Variants in ARHGAP15 observed in about 807,000 individuals in gnomAD.
The protein encoded by ARHGAP15 is rho GTPase-activating protein 15.
A neutral mutation model predicts 63.7 loss-of-function variants in ARHGAP15; 51 were observed. That is an observed-to-expected ratio of 0.80 (90% confidence interval 0.64 to 1.01). The LOEUF (loss-of-function observed/expected upper bound fraction) is 1.01. Among genes scored for constraint, ARHGAP15 ranks in the 50% least tolerant of loss-of-function variants. ARHGAP15 has a pLI of 0.00. For missense variants in ARHGAP15, 560 were observed against 564.6 expected, an observed-to-expected ratio of 0.99 and a Z score of 0.08; for synonymous variants, 191 against 193.8, an observed-to-expected ratio of 0.99 and a Z score of 0.12.
intron 6 of ARHGAP15, among the ~76,000 whole-genome samples, chr2:143,418,768 G>T (rs1279231572): frequency 1.3e-5 from 2 of 151,842 alleles, no homozygotes; most frequent in Non-Finnish European, 2.9e-5. Flanking sequence ...TATGAGAGGG[G>T]TTTTTTTCCC....
intron 6 of ARHGAP15, among the ~76,000 whole-genome samples, chr2:143,329,488 C>CTT (rs1684408736): frequency 6.7e-6 from 1 of 148,950 alleles, no homozygotes. Context: ...AGCATATGAG[C>CTT]TTGAAAGAGG....
chr2:143,138,373 T>C (rs1421438580), intron 1 of ARHGAP15, among the ~76,000 whole-genome samples: 1 of 152,104 alleles, frequency 6.6e-6, no homozygotes, highest in Non-Finnish European at 1.5e-5. Context: ...TTATTTTCAG[T>C]ATGCCATGCG....
intron 6 of ARHGAP15, among the ~76,000 whole-genome samples, chr2:143,316,554 T>TTA (rs1238275372): frequency 6.8e-5 from 10 of 146,736 alleles, no homozygotes; most frequent in South Asian, 2.1e-4. Flanking sequence ...AAAATATATG[T>TTA]TATATATTTT....
chr2:143,175,181 G>T (rs535268679), intron 2 of ARHGAP15, among the ~76,000 whole-genome samples: 1 of 152,182 alleles, frequency 6.6e-6, no homozygotes, highest in Admixed American at 6.6e-5. Flanking sequence ...GCACCTCAAG[G>T]GCTCCTAAAC....
chr2:143,237,307 A>C (rs989827766), intron 5 of ARHGAP15: 1 of 152,208 alleles, frequency 6.6e-6, no homozygotes, highest in African/African-American at 2.4e-5. Flanking sequence ...CTGAGCTCTT[A>C]CGACAGAGAA....
intron 5 of ARHGAP15, among the ~76,000 whole-genome samples, chr2:143,240,087 G>A (rs1407738644): frequency 1.3e-5 from 2 of 149,954 alleles, no homozygotes; most frequent in Non-Finnish European, 3.0e-5. Context: ...GAAGCAGGAG[G>A]ATCACTTGAA....
intron 2 of ARHGAP15, among the ~76,000 whole-genome samples, chr2:143,164,918 T>C (rs1690438766): frequency 6.6e-6 from 1 of 152,012 alleles, no homozygotes; most frequent in Non-Finnish European, 1.5e-5. Flanking sequence ...ATATCACTAT[T>C]TTAGTGAAAT....
At chr2:143,330,988 T>C (rs1329357392) in intron 6 of ARHGAP15, among the ~76,000 whole-genome samples, 1 of 152,196 alleles carries the variant, frequency 6.6e-6, no homozygotes, top group African/African-American at 2.4e-5. Flanking sequence ...ATGGTCCTCG[T>C]TGGGCCCTTC....
At chr2:143,340,845 T>A (rs1226729595) in intron 6 of ARHGAP15, among the ~76,000 whole-genome samples, 5 of 152,128 alleles carry the variant, frequency 3.3e-5, no homozygotes, top group Non-Finnish European at 7.4e-5. Context: ...ATTTTTCTTT[T>A]TCTGTTTTTC....
At chr2:143,690,811 CT>C (rs35416401) in intron 12 of ARHGAP15, among the ~76,000 whole-genome samples, 1 of 151,640 alleles carries the variant, frequency 6.6e-6, no homozygotes, top group African/African-American at 2.4e-5. Flanking sequence ...TCAAGTCAGC[CT>C]TTTTTTTGGC....
intron 13 of ARHGAP15, among the ~76,000 whole-genome samples, chr2:143,724,649 G>A (rs1685203072): frequency 6.6e-6 from 1 of 152,142 alleles, no homozygotes; most frequent in Admixed American, 6.6e-5. Flanking sequence ...AGGAGGAAAT[G>A]TAGGTTTGGG....
intron 12 of ARHGAP15, chr2:143,641,053 G>A (rs1680573912): frequency 6.6e-6 from 1 of 152,144 alleles, no homozygotes; most frequent in South Asian, 2.1e-4. Flanking sequence ...ATGTCTTGCA[G>A]TGGAACAACT....
intron 10 of ARHGAP15, among the ~76,000 whole-genome samples, chr2:143,542,218 C>T (rs527874272): frequency 1.3e-5 from 2 of 152,302 alleles, no homozygotes; most frequent in East Asian, 3.9e-4. Flanking sequence ...TTGTTAAGCC[C>T]ATTGGAAGAG....
chr2:143,232,117 A>G (rs530600248), intron 5 of ARHGAP15, among the ~76,000 whole-genome samples: 3 of 152,314 alleles, frequency 2.0e-5, no homozygotes, highest in African/African-American at 4.8e-5. Context: ...TTATTTTCAT[A>G]GAGATTCATA....
chr2:143,220,588 A>AGTAT (rs1200099841), intron 4 of ARHGAP15, among the ~76,000 whole-genome samples: 2 of 152,322 alleles, frequency 1.3e-5, no homozygotes, highest in East Asian at 3.9e-4. Context: ...AATGAATCTT[A>AGTAT]GTATGCACTG....
intron 12 of ARHGAP15, among the ~76,000 whole-genome samples, chr2:143,649,833 A>G (rs1478436006): frequency 1.1e-5 from 1 of 87,498 alleles, no homozygotes; most frequent in African/African-American, 2.7e-5. Context: ...ACTAGAACTC[A>G]GAGCTCCACC....
At chr2:143,248,849 G>A (rs1694153629) in intron 5 of ARHGAP15, among the ~76,000 whole-genome samples, 1 of 152,136 alleles carries the variant, frequency 6.6e-6, no homozygotes, top group African/African-American at 2.4e-5. Flanking sequence ...ACGTAGGTAA[G>A]TACCTGGAAC....
intron 6 of ARHGAP15, among the ~76,000 whole-genome samples, chr2:143,413,966 T>TGTGTGTGTGTGTGTGCGCGC: frequency 5.9e-5 from 7 of 117,910 alleles, no homozygotes; most frequent in African/African-American, 2.5e-4. Context: ...TGTGTGTGTG[T>TGTGTGTGTGTGTGTGCGCGC]GCGCGCTCTC....
At chr2:143,697,976 GGTGCAT>G (rs1387271295) in intron 12 of ARHGAP15, among the ~76,000 whole-genome samples, 5 of 152,062 alleles carry the variant, frequency 3.3e-5, no homozygotes, top group Non-Finnish European at 1.5e-5. Flanking sequence ...TTTCATACAG[GGTGCAT>G]TAGACATTTC....
Sources: allele counts gnomAD v4.1 joint callset (sites outside exome capture counted in the v4.1 genomes callset), GRCh38; gene constraint gnomAD v4.1.1; transcripts MANE v1.5; gene names NCBI Gene and HGNC (gene_info 2026-07-23, HGNC 2026-07-21).